The following ANKS1B variants were observed in gnomAD, a reference collection of about 807,000 sequenced individuals.
ANKS1B encodes ankyrin repeat and sterile alpha motif domain containing 1B, also known as ankyrin repeat and sterile alpha motif domain-containing protein 1B.
In ANKS1B, 36 loss-of-function variants were observed where a neutral mutation model predicts 148.3. That is an observed-to-expected ratio of 0.24 (90% confidence interval 0.19 to 0.32). ANKS1B has a LOEUF of 0.32. Among genes scored for constraint, ANKS1B ranks in the 10% least tolerant of loss-of-function variants. The pLI, the probability that ANKS1B is intolerant of heterozygous loss-of-function variation, is 1.00. For synonymous variants in ANKS1B, 542 were observed against 560.8 expected (o/e 0.97, Z 0.47); for missense variants, 1,157 against 1,542.6 (o/e 0.75, Z 4.19).
intron 12 of ANKS1B, among the ~76,000 whole-genome samples, chr12:99,380,927 A>C (rs1361928476): frequency 6.6e-6 from 1 of 152,138 alleles, no homozygotes; most frequent in African/African-American, 2.4e-5. Flanking sequence ...TTACAATAAA[A>C]ACAAAACCAA....
At chr12:99,409,360 T>C (rs930915696) in intron 11 of ANKS1B, among the ~76,000 whole-genome samples, 2 of 152,116 alleles carry the variant, frequency 1.3e-5, no homozygotes, top group South Asian at 4.2e-4. Context: ...CTAAAAATGG[T>C]AATTTGGGTG....
At chr12:99,051,746 T>C (rs1333025077) in intron 17 of ANKS1B, among the ~76,000 whole-genome samples, 1 of 152,228 alleles carries the variant, frequency 6.6e-6, no homozygotes, top group Non-Finnish European at 1.5e-5. Context: ...CTTATGGCCA[T>C]ACAATCACAT....
intron 10 of ANKS1B, among the ~76,000 whole-genome samples, chr12:99,451,042 A>G (rs2095724474): frequency 6.6e-6 from 1 of 152,208 alleles, no homozygotes; most frequent in African/African-American, 2.4e-5. Context: ...TACATGCTCA[A>G]CCTACATTTC....
chr12:99,583,575 A>G (rs1254942410), intron 9 of ANKS1B, among the ~76,000 whole-genome samples: 1 of 152,212 alleles, frequency 6.6e-6, no homozygotes, highest in Non-Finnish European at 1.5e-5. Flanking sequence ...ATGACTTTTT[A>G]GATCAAATGG....
chr12:99,579,192 G>C (rs2097546817), intron 9 of ANKS1B, among the ~76,000 whole-genome samples: 1 of 152,012 alleles, frequency 6.6e-6, no homozygotes, highest in Non-Finnish European at 1.5e-5. Flanking sequence ...ATATACAAAA[G>C]TCAACTCGAG....
intron 9 of ANKS1B, among the ~76,000 whole-genome samples, chr12:99,547,584 G>A (rs2153151998): frequency 6.6e-6 from 1 of 152,216 alleles, no homozygotes; most frequent in Admixed American, 6.5e-5. Flanking sequence ...CCTTTCAAAG[G>A]CTCTATATGG....
intron 8 of ANKS1B, among the ~76,000 whole-genome samples, chr12:99,771,905 C>T (rs2063230442): frequency 6.6e-6 from 1 of 152,160 alleles, no homozygotes; most frequent in South Asian, 2.1e-4. Context: ...TCATAATGGA[C>T]AGTCACTATA....
At chr12:99,619,242 C>G (rs1189928867) in intron 9 of ANKS1B, among the ~76,000 whole-genome samples, 1 of 152,066 alleles carries the variant, frequency 6.6e-6, no homozygotes, top group Non-Finnish European at 1.5e-5. Context: ...CCACACCATG[C>G]CCAGGCAGAT....
At chr12:99,931,110 C>T (rs2094602073) in intron 1 of ANKS1B, among the ~76,000 whole-genome samples, 2 of 152,032 alleles carry the variant, frequency 1.3e-5, no homozygotes, top group Admixed American at 1.3e-4. Context: ...CCGAACACTG[C>T]ATGTTCTCAC....
At chr12:99,540,010 T>C (rs1299347744) in intron 9 of ANKS1B, among the ~76,000 whole-genome samples, 7 of 152,022 alleles carry the variant, frequency 4.6e-5, no homozygotes, top group Non-Finnish European at 1.0e-4. Flanking sequence ...ATAACTTCAG[T>C]GACTATACTA....
intron 25 of ANKS1B, among the ~76,000 whole-genome samples, chr12:98,765,661 G>T (rs1276884701): frequency 6.6e-6 from 1 of 150,810 alleles, no homozygotes; most frequent in Non-Finnish European, 1.5e-5. Context: ...CGCCTCCCAG[G>T]TTCGAGTGAT....
chr12:98,755,576 C>T (rs1222244575), intron 25 of ANKS1B, among the ~76,000 whole-genome samples: 1 of 152,218 alleles, frequency 6.6e-6, no homozygotes, highest in African/African-American at 2.4e-5. Context: ...AATACTCAGT[C>T]TAGCTACCAT....
chr12:99,865,345 C>A (rs916297762), intron 1 of ANKS1B, among the ~76,000 whole-genome samples: 1 of 152,116 alleles, frequency 6.6e-6, no homozygotes, highest in Non-Finnish European at 1.5e-5. Context: ...TATAGATTGG[C>A]CCCCTGGACT....
intron 12 of ANKS1B, among the ~76,000 whole-genome samples, chr12:99,289,745 CA>C (rs2079649497): frequency 6.6e-6 from 1 of 151,758 alleles, no homozygotes; most frequent in African/African-American, 2.4e-5. Flanking sequence ...CACAACATAT[CA>C]AAATCTATGG....
intron 9 of ANKS1B, among the ~76,000 whole-genome samples, chr12:99,559,368 C>G (rs187878794): frequency 7.4e-4 from 112 of 152,290 alleles, no homozygotes; most frequent in Non-Finnish European, 1.5e-3. Context: ...CACATTAAAT[C>G]AATGTTTATG....
chr12:98,909,637 G>A lies in ANKS1B; in HGVS notation c.2779-77501C>T, dbSNP rs78116681. On this transcript the variant is annotated intron_variant, in intron 17 of 26. Transcript: ENST00000683438. ...GGAACAAAAAGTCAAAATGGAAAAG[G>A]AGAACAGGAGCATAAGAAAAAAATA... Among the ~76,000 whole-genome samples the A allele has an allele frequency of 2.4e-3, 360 of 152,266 alleles. 1 individual carries two copies. Among genetic ancestry groups the A allele is most frequent in the African/African-American group, 8.3e-3 (346 of 41,546 alleles).
At chr12:98,807,819 A>C (rs772994477) in intron 20 of ANKS1B, 25 bp downstream of exon 20, 41 of 1,606,052 alleles carry the variant, frequency 2.6e-5, no homozygotes, top group Middle Eastern at 1.6e-4. Flanking sequence ...GTTCAGGAGA[A>C]GAAAAGAACC....
At chr12:99,816,609 T>G (rs1422359523) in intron 2 of ANKS1B, among the ~76,000 whole-genome samples, 1 of 151,828 alleles carries the variant, frequency 6.6e-6, no homozygotes, top group Non-Finnish European at 1.5e-5. Flanking sequence ...AGATACCAGC[T>G]AATGAATTGG....
chr12:99,642,118 T>G (rs2098314198), intron 9 of ANKS1B, among the ~76,000 whole-genome samples: 1 of 152,196 alleles, frequency 6.6e-6, no homozygotes, highest in Admixed American at 6.5e-5. Flanking sequence ...CTAAAATGAT[T>G]AAAAAATTGA....
Sources: gnomAD v4.1 joint callset for allele counts (sites outside exome capture counted in the v4.1 genomes callset) on GRCh38, gnomAD v4.1.1 for gene constraint, MANE v1.5 for transcripts, NCBI Gene and HGNC (gene_info 2026-07-23, HGNC 2026-07-21) for gene names.